Variants in TMEM232 observed in about 807,000 individuals in gnomAD.
The protein encoded by TMEM232 is transmembrane protein 232.
Under a neutral mutation model 78.8 loss-of-function variants are expected in TMEM232, and 80 were observed. The observed-to-expected ratio is 1.01, with a 90% CI of 0.85 to 1.22. The LOEUF (loss-of-function observed/expected upper bound fraction) is 1.22. TMEM232 is among the 50% of genes most tolerant of loss of function. The pLI is 0.00. For synonymous variants in TMEM232, 297 were observed against 254.3 expected (o/e 1.17, Z -1.60); for missense variants, 881 against 742.2 (o/e 1.19, Z -2.17).
intron 12 of TMEM232, among the ~76,000 whole-genome samples, chr5:110,448,200 T>G (rs1017459732): frequency 6.6e-6 from 1 of 152,064 alleles, no homozygotes; most frequent in Non-Finnish European, 1.5e-5. Context: ...TATAAAATCA[T>G]GAAATAATTA....
At chr5:110,570,585 G>A (rs188801825) in intron 10 of TMEM232, among the ~76,000 whole-genome samples, 8 of 152,036 alleles carry the variant, frequency 5.3e-5, no homozygotes, top group Admixed American at 1.3e-4. Context: ...TTGTCCAATA[G>A]GTAAATTTGG....
chr5:110,625,452 T>C lies in TMEM232; in HGVS notation c.602-19A>G, dbSNP rs1313225957. ...GAAAGTGCTATTGTAAGAAAAATCA[T>C]CTGTGAGAAATAATTTATTAATATT... On this transcript the variant is annotated intron_variant, in intron 6 of 13. Coordinates refer to ENST00000455884, the MANE Select transcript of TMEM232 (RefSeq NM_001039763.4). The C allele has an allele frequency of 1.3e-6, 2 of 1,491,674 alleles. No individual in the cohort carries two copies. The highest frequency in any genetic ancestry group is 1.4e-5 in the South Asian group (1 of 74,066). 92.4% of individuals were successfully genotyped at this position (1,491,674 alleles called of 1,614,324 possible). A position where few individuals can be genotyped will look rare whatever the true frequency, so the allele number is the denominator to read the frequency against.
At chr5:110,602,195 A>G (rs1216480969) in intron 10 of TMEM232, among the ~76,000 whole-genome samples, 3 of 152,220 alleles carry the variant, frequency 2.0e-5, no homozygotes, top group Non-Finnish European at 4.4e-5. Context: ...CAAAAACCCT[A>G]GAAGAAAACC....
At chr5:110,543,708 T>G (rs1198061798) in intron 11 of TMEM232, among the ~76,000 whole-genome samples, 1 of 152,126 alleles carries the variant, frequency 6.6e-6, no homozygotes, top group Non-Finnish European at 1.5e-5. Context: ...CTTTCAGGTC[T>G]TCCCTAGGAC....
chr5:110,473,991 G>C (rs181979973), intron 12 of TMEM232, among the ~76,000 whole-genome samples: 2 of 148,730 alleles, frequency 1.3e-5, no homozygotes, highest in African/African-American at 4.9e-5. Context: ...GGGAGAGTAG[G>C]GGGTAGAGAG....
At chr5:110,532,209 G>A (rs547092744) in intron 11 of TMEM232, among the ~76,000 whole-genome samples, 7 of 152,112 alleles carry the variant, frequency 4.6e-5, no homozygotes, top group Non-Finnish European at 1.0e-4. Context: ...ACTAGAAATC[G>A]GACTGTTCAA....
At chr5:110,722,104 G>A (rs1206568604) in intron 1 of TMEM232, among the ~76,000 whole-genome samples, 1 of 151,964 alleles carries the variant, frequency 6.6e-6, no homozygotes. Flanking sequence ...GATGTGGTAG[G>A]GTGGAAATGG....
At chr5:110,481,440 C>T (rs923504876) in intron 12 of TMEM232, among the ~76,000 whole-genome samples, 2 of 152,012 alleles carry the variant, frequency 1.3e-5, no homozygotes, top group Admixed American at 6.6e-5. Flanking sequence ...AATAAATTGG[C>T]CACTGGGTTA....
chr5:110,560,759 G>A (rs1377856892), intron 11 of TMEM232, among the ~76,000 whole-genome samples: 1 of 152,166 alleles, frequency 6.6e-6, no homozygotes, highest in Non-Finnish European at 1.5e-5. Context: ...TTATACCAAT[G>A]AGACTGGCTG....
At chr5:110,570,965 A>G (rs1019498830) in intron 10 of TMEM232, among the ~76,000 whole-genome samples, 4 of 152,026 alleles carry the variant, frequency 2.6e-5, no homozygotes, top group African/African-American at 9.7e-5. Flanking sequence ...TGGAAGTTCT[A>G]GAATACACAT....
chr5:110,614,963 A>G (rs1388100879), intron 8 of TMEM232, among the ~76,000 whole-genome samples: 1 of 151,970 alleles, frequency 6.6e-6, no homozygotes, highest in African/African-American at 2.4e-5. Flanking sequence ...ATCTATTTGC[A>G]TTTTAGTTTC....
At chr5:110,612,381 A>C (rs1782418567) in intron 8 of TMEM232, among the ~76,000 whole-genome samples, 1 of 152,176 alleles carries the variant, frequency 6.6e-6, no homozygotes, top group South Asian at 2.1e-4. Flanking sequence ...TAAGAAATCC[A>C]AGAAATGAAT....
intron 4 of TMEM232, 98 bp downstream of exon 4, chr5:110,640,793 C>T (rs1344116646): frequency 6.3e-6 from 5 of 787,684 alleles, no homozygotes; most frequent in Non-Finnish European, 9.1e-6. Flanking sequence ...AATTTCTTGT[C>T]TTCTGCACAA....
chr5:110,624,776 A>C (rs1203436606), intron 7 of TMEM232, among the ~76,000 whole-genome samples: 1 of 152,054 alleles, frequency 6.6e-6, no homozygotes, highest in Non-Finnish European at 1.5e-5. Flanking sequence ...GGCTTATAGG[A>C]AGCATGGGAA....
intron 1 of TMEM232, among the ~76,000 whole-genome samples, chr5:110,708,858 T>C (rs923455866): frequency 1.3e-5 from 2 of 151,734 alleles, no homozygotes; most frequent in African/African-American, 4.8e-5. Context: ...AATAACAAAA[T>C]GGCAGGAGTA....
At chr5:110,561,030 A>C (rs1035427077) in intron 11 of TMEM232, among the ~76,000 whole-genome samples, 2 of 152,206 alleles carry the variant, frequency 1.3e-5, no homozygotes, top group African/African-American at 4.8e-5. Flanking sequence ...ACAAAGAAAA[A>C]GTGGTAAGGA....
chr5:110,584,738 A>C (rs1778609764), intron 10 of TMEM232, among the ~76,000 whole-genome samples: 1 of 152,110 alleles, frequency 6.6e-6, no homozygotes, highest in Non-Finnish European at 1.5e-5. Flanking sequence ...GACAGAAAAA[A>C]CATTCTGAAG....
At chr5:110,631,176 G>A (rs1479908385) in intron 5 of TMEM232, among the ~76,000 whole-genome samples, 1 of 152,154 alleles carries the variant, frequency 6.6e-6, no homozygotes, top group East Asian at 1.9e-4. Context: ...GCCCAGTACT[G>A]TGGCCCCCAA....
At chr5:110,489,367 A>C (rs766830580) in intron 12 of TMEM232, among the ~76,000 whole-genome samples, 14 of 152,100 alleles carry the variant, frequency 9.2e-5, no homozygotes, top group Non-Finnish European at 2.1e-4. Context: ...TAACATCTGG[A>C]AATTAATGTA....
Sources: allele counts gnomAD v4.1 joint callset (sites outside exome capture counted in the v4.1 genomes callset), GRCh38; gene constraint gnomAD v4.1.1; transcripts MANE v1.5; gene names NCBI Gene and HGNC (gene_info 2026-07-23, HGNC 2026-07-21).